SESTD1: variants seen among roughly 807,000 people sequenced by gnomAD.
The protein encoded by SESTD1 is SEC14 and spectrin domain containing 1.
A neutral mutation model predicts 101.7 loss-of-function variants in SESTD1; 43 were observed. The observed-to-expected ratio is 0.42, with a 90% CI of 0.33 to 0.55. SESTD1 has a LOEUF of 0.55. SESTD1 is among the 20% of genes least tolerant of loss of function. The pLI, the probability that SESTD1 is intolerant of heterozygous loss-of-function variation, is 0.07. For missense variants in SESTD1, 647 were observed against 815.1 expected (o/e 0.79, Z 2.51); for synonymous variants, 283 against 286.8 (o/e 0.99, Z 0.13).
intron 4 of SESTD1, among the ~76,000 whole-genome samples, chr2:179,173,105 T>G (rs1242742002): frequency 6.6e-6 from 1 of 152,198 alleles, no homozygotes; most frequent in East Asian, 1.9e-4. Flanking sequence ...GCTCCTGCAA[T>G]ATGAAAAGTC....
At chr2:179,156,555 T>C (rs2045635790) in intron 5 of SESTD1, among the ~76,000 whole-genome samples, 1 of 152,232 alleles carries the variant, frequency 6.6e-6, no homozygotes, top group African/African-American at 2.4e-5. Context: ...TGGTACTGAT[T>C]TGCATTTCCC....
intron 1 of SESTD1, among the ~76,000 whole-genome samples, chr2:179,214,029 C>A (rs1241281321): frequency 7.4e-6 from 1 of 134,770 alleles, no homozygotes; most frequent in Admixed American, 7.2e-5. Context: ...CAAAAACGTG[C>A]CAATGTGTAA....
At chr2:179,152,974 TC>T (rs1377980317) in intron 5 of SESTD1, among the ~76,000 whole-genome samples, 1 of 152,078 alleles carries the variant, frequency 6.6e-6, no homozygotes, top group Admixed American at 6.6e-5. Flanking sequence ...GAAACTTATT[TC>T]TTGAAAAGAC....
intron 1 of SESTD1, among the ~76,000 whole-genome samples, chr2:179,204,898 A>G (rs2046570468): frequency 7.4e-6 from 1 of 135,164 alleles, no homozygotes; most frequent in Non-Finnish European, 1.6e-5. Flanking sequence ...AAAAAATTCA[A>G]CCTTGAGGAA....
chr2:179,190,933 A>AATT (rs1228075950), intron 2 of SESTD1, among the ~76,000 whole-genome samples: 1 of 152,210 alleles, frequency 6.6e-6, no homozygotes, highest in Admixed American at 6.5e-5. Context: ...TGGTCATGTA[A>AATT]ATTAGTTCAG....
At chr2:179,200,008 T>C (rs1481337680) in intron 1 of SESTD1, among the ~76,000 whole-genome samples, 1 of 152,146 alleles carries the variant, frequency 6.6e-6, no homozygotes, top group African/African-American at 2.4e-5. Context: ...GACGACATGA[T>C]TGTATACCTA....
intron 1 of SESTD1, among the ~76,000 whole-genome samples, chr2:179,197,450 T>TA (rs1257560265): frequency 6.6e-6 from 1 of 152,022 alleles, no homozygotes; most frequent in Non-Finnish European, 1.5e-5. Flanking sequence ...ATTCAGGAAA[T>TA]ACAGAGAACA....
At chr2:179,238,548 T>A (rs1232814112) in intron 1 of SESTD1, among the ~76,000 whole-genome samples, 1 of 152,150 alleles carries the variant, frequency 6.6e-6, no homozygotes, top group Non-Finnish European at 1.5e-5. Context: ...ATTAACCTAA[T>A]ATGAAGCATC....
intron 5 of SESTD1, among the ~76,000 whole-genome samples, chr2:179,157,142 T>C (rs1025764654): frequency 1.3e-5 from 2 of 152,142 alleles, no homozygotes; most frequent in African/African-American, 2.4e-5. Flanking sequence ...AAAAATAAAA[T>C]ACTTAGGGAT....
chr2:179,261,590 T>C (rs1028551191), intron 1 of SESTD1, among the ~76,000 whole-genome samples: 2 of 152,128 alleles, frequency 1.3e-5, no homozygotes, highest in South Asian at 4.2e-4. Context: ...CAATGCGATA[T>C]CACTTCACAG....
chr2:179,203,197 A>G lies in SESTD1; in HGVS notation c.-25-11331T>C, dbSNP rs1429588027. ...CCCCCTTGCAGCATGACTCTATACA[A>G]TTTCCCTCCAGCCCCCACCTCTTGG... is the stretch of plus-strand genomic sequence containing the variant. On this transcript the variant is annotated intron_variant, in intron 1 of 17. Coordinates refer to ENST00000428443, the MANE Select transcript of SESTD1 (RefSeq NM_178123.5). 3.0e-5 allele frequency among the ~76,000 whole-genome samples: 4 copies of G among 133,742 alleles called. 1 individual carries two copies. Among genetic ancestry groups the G allele is most frequent in the Non-Finnish European group, 6.4e-5 (4 of 62,308 alleles). 87.7% of individuals were successfully genotyped at this position (133,742 alleles called of 152,430 possible).
chr2:179,236,102 C>G (rs1268557711), intron 1 of SESTD1, among the ~76,000 whole-genome samples: 2 of 152,020 alleles, frequency 1.3e-5, no homozygotes, highest in African/African-American at 4.8e-5. Context: ...ATCCATCTCC[C>G]CTTCTAACAA....
intron 1 of SESTD1, among the ~76,000 whole-genome samples, chr2:179,200,667 G>A (rs2046494327): frequency 6.7e-6 from 1 of 149,350 alleles, no homozygotes; most frequent in African/African-American, 2.5e-5. Flanking sequence ...AACAAGAAAT[G>A]GGGAAATGAT....
At chr2:179,121,968 T>A in intron 12 of SESTD1, 39 bp from the exon 13 acceptor site, 1 of 1,555,238 alleles carries the variant, frequency 6.4e-7, no homozygotes, top group Non-Finnish European at 8.7e-7. Flanking sequence ...CTTACACAAC[T>A]AAGGCGCTTT....
At chr2:179,252,200 C>T (rs941953194) in intron 1 of SESTD1, among the ~76,000 whole-genome samples, 1 of 152,226 alleles carries the variant, frequency 6.6e-6, no homozygotes, top group Non-Finnish European at 1.5e-5. Flanking sequence ...AGTGCTATCA[C>T]CTGCTTAATT....
intron 16 of SESTD1, among the ~76,000 whole-genome samples, chr2:179,113,246 A>G (rs2044552014): frequency 6.6e-6 from 1 of 152,228 alleles, no homozygotes; most frequent in South Asian, 2.1e-4. Context: ...TGGAAGGTGA[A>G]GGAGGTATAG....
At chr2:179,240,908 C>T (rs2047142734) in intron 1 of SESTD1, among the ~76,000 whole-genome samples, 1 of 151,934 alleles carries the variant, frequency 6.6e-6, no homozygotes, top group African/African-American at 2.4e-5. Flanking sequence ...AATGATCTGA[C>T]AATGATTTTA....
In SESTD1 at chr2:179,183,157, C is replaced by T; in HGVS notation, c.87G>A (p.Leu29=). 2 of 1,611,414 alleles carry T rather than the reference C, an allele frequency of 1.2e-6. No homozygotes were observed. The highest frequency in any genetic ancestry group is 1.7e-6 in the Non-Finnish European group (2 of 1,178,658). ...TCTGTTCGAGGCATAATGGAATTGT[C>T]AAAATGAGGCCACTCCGTCTGTCTT... The part of the protein sequence containing the change: ...GGKDRRSGLI[L]TIPLCLEQTN... Residue 29 remains leucine (L), a synonymous_variant, in exon 3 of 18, where the codon TTG becomes TTA. Coordinates refer to ENST00000428443, the MANE Select transcript of SESTD1 (RefSeq NM_178123.5).
chr2:179,208,052 A>G (rs2046610737), intron 1 of SESTD1, among the ~76,000 whole-genome samples: 1 of 134,886 alleles, frequency 7.4e-6, no homozygotes, highest in African/African-American at 2.9e-5. Context: ...ACCTAGAAAT[A>G]AAAGACCCAC....
Sources: gnomAD v4.1 joint callset for allele counts (sites outside exome capture counted in the v4.1 genomes callset) on GRCh38, gnomAD v4.1.1 for gene constraint, MANE v1.5 for transcripts, NCBI Gene and HGNC (gene_info 2026-07-23, HGNC 2026-07-21) for gene names.